The following MAST4 variants were observed in gnomAD, a reference collection of about 807,000 sequenced individuals.
MAST4 encodes the protein microtubule associated serine/threonine kinase family member 4, also known as microtubule-associated serine/threonine-protein kinase 4.
Under a neutral mutation model 162.7 loss-of-function variants are expected in MAST4, and 89 were observed. The ratio of observed to expected loss-of-function variants is 0.55; its 90% CI spans 0.46 to 0.65. The LOEUF is 0.65. Among genes scored for constraint, MAST4 ranks in the 30% least tolerant of loss-of-function variants. MAST4 has a pLI of 0.00. For synonymous variants in MAST4, 1,479 were observed against 1,361.1 expected (o/e 1.09, Z -1.91); for missense variants, 3,153 against 3,374.0 (o/e 0.93, Z 1.62).
chr5:66,865,625 TAATA>T (rs1760456430), intron 3 of MAST4, among the ~76,000 whole-genome samples: 1 of 152,138 alleles, frequency 6.6e-6, no homozygotes, highest in Non-Finnish European at 1.5e-5. Context: ...TGGAAAAAAT[TAATA>T]AATGACTGAA....
At chr5:67,037,200 T>C (rs1756130406) in intron 4 of MAST4, among the ~76,000 whole-genome samples, 1 of 151,938 alleles carries the variant, frequency 6.6e-6, no homozygotes, top group Non-Finnish European at 1.5e-5. Context: ...TTCAAGACCA[T>C]CCAGGCAACA....
At chr5:66,755,207 G>A (rs1363923738) in intron 1 of MAST4, among the ~76,000 whole-genome samples, 1 of 152,208 alleles carries the variant, frequency 6.6e-6, no homozygotes, top group Non-Finnish European at 1.5e-5. Context: ...TTTGGAAGTT[G>A]AGCCTGGAGG....
chr5:66,605,655 T>A (rs1399412016), intron 1 of MAST4, among the ~76,000 whole-genome samples: 1 of 152,122 alleles, frequency 6.6e-6, no homozygotes, highest in East Asian at 1.9e-4. Context: ...GCTACCCTGG[T>A]TTATTGTTGC....
intron 1 of MAST4, among the ~76,000 whole-genome samples, chr5:66,719,266 G>T (rs941543539): frequency 2.4e-4 from 37 of 152,182 alleles, no homozygotes; most frequent in African/African-American, 8.7e-4. Context: ...TGTAAGAAAA[G>T]ATATAACTAT....
chr5:67,043,364 A>G (rs1364800031), intron 4 of MAST4, among the ~76,000 whole-genome samples: 2 of 152,242 alleles, frequency 1.3e-5, no homozygotes, highest in African/African-American at 4.8e-5. Context: ...CTCCCAATCA[A>G]GCTTTCTAAA....
chr5:66,826,605 C>T (rs774880733), intron 3 of MAST4, among the ~76,000 whole-genome samples: 51 of 149,970 alleles, frequency 3.4e-4, no homozygotes, highest in Non-Finnish European at 5.9e-4. Context: ...CCTCCCACCA[C>T]CCCCCCCAAT....
intron 3 of MAST4, among the ~76,000 whole-genome samples, chr5:66,805,383 A>G (rs1359809023): frequency 2.6e-5 from 4 of 152,182 alleles, no homozygotes; most frequent in African/African-American, 7.2e-5. Context: ...TATGTTTAAC[A>G]TCTAAGTAGG....
At chr5:66,800,093 C>T (rs1310657344) in intron 3 of MAST4, among the ~76,000 whole-genome samples, 1 of 152,148 alleles carries the variant, frequency 6.6e-6, no homozygotes, top group Non-Finnish European at 1.5e-5. Context: ...ATTTATAGAA[C>T]TGATTAAGCT....
At chr5:67,047,635 C>T (rs890308451) in intron 4 of MAST4, among the ~76,000 whole-genome samples, 3 of 152,162 alleles carry the variant, frequency 2.0e-5, no homozygotes, top group Non-Finnish European at 4.4e-5. Context: ...AATGTAAGCT[C>T]CCTTGAGAGC....
chr5:67,024,336 T>TATAC (rs1554082911), intron 4 of MAST4, among the ~76,000 whole-genome samples: 4 of 141,154 alleles, frequency 2.8e-5, no homozygotes, highest in East Asian at 2.0e-4. Context: ...TATATATATA[T>TATAC]ACACACACAC....
chr5:67,089,203 C>T (rs1441018444), intron 5 of MAST4, among the ~76,000 whole-genome samples: 1 of 152,296 alleles, frequency 6.6e-6, no homozygotes, highest in Non-Finnish European at 1.5e-5. Context: ...TTATTTAAAC[C>T]AGCTACAGTT....
intron 2 of MAST4, 63 bp from the exon 3 acceptor site, chr5:66,788,607 C>CCAACAAAAAAAAAAAAA: frequency 7.3e-7 from 1 of 1,373,728 alleles, no homozygotes; most frequent in Non-Finnish European, 1.0e-6. Flanking sequence ...CCCCCACCCC[C>CCAACAAAAAAAAAAAAA]ATTGCAATAA....
At chr5:66,860,123 C>T (rs1311353820) in intron 3 of MAST4, among the ~76,000 whole-genome samples, 1 of 152,178 alleles carries the variant, frequency 6.6e-6, no homozygotes, top group African/African-American at 2.4e-5. Context: ...GATTTGAATT[C>T]CAGCTCCACT....
chr5:67,090,782 T>C (rs1263626064), intron 6 of MAST4, among the ~76,000 whole-genome samples: 3 of 151,912 alleles, frequency 2.0e-5, no homozygotes, highest in Non-Finnish European at 4.4e-5. Flanking sequence ...CACAATGTCA[T>C]GTCACACCAT....
intron 1 of MAST4, among the ~76,000 whole-genome samples, chr5:66,599,610 A>G (rs958386957): frequency 1.3e-5 from 2 of 152,214 alleles, no homozygotes; most frequent in Admixed American, 6.5e-5. Flanking sequence ...TTTTGATGAC[A>G]TTTTGCAAAA....
chr5:67,133,673 T>C (rs753445997), intron 17 of MAST4, 27 bp downstream of exon 17: 6 of 1,610,814 alleles, frequency 3.7e-6, no homozygotes, highest in Non-Finnish European at 4.2e-6. Context: ...TTTAGTTTAT[T>C]GAGAAATACA....
intron 3 of MAST4, among the ~76,000 whole-genome samples, chr5:66,800,105 G>A (rs1313288602): frequency 6.6e-6 from 1 of 152,122 alleles, no homozygotes; most frequent in African/African-American, 2.4e-5. Flanking sequence ...GATTAAGCTG[G>A]CCTTGTGACG....
intron 4 of MAST4, among the ~76,000 whole-genome samples, chr5:66,915,526 C>T (rs1196923797): frequency 6.6e-6 from 1 of 152,124 alleles, no homozygotes; most frequent in Non-Finnish European, 1.5e-5. Context: ...AGCATTTGAA[C>T]TAGTGTACTT....
At chr5:66,655,450 A>C (rs1331179360) in intron 1 of MAST4, among the ~76,000 whole-genome samples, 1 of 152,198 alleles carries the variant, frequency 6.6e-6, no homozygotes, top group African/African-American at 2.4e-5. Flanking sequence ...AGTTATTAGG[A>C]AGAACAGTAA....
Sources: allele counts gnomAD v4.1 joint callset (sites outside exome capture counted in the v4.1 genomes callset), GRCh38; gene constraint gnomAD v4.1.1; transcripts MANE v1.5; gene names NCBI Gene and HGNC (gene_info 2026-07-23, HGNC 2026-07-21).